Variants in PRR19 observed in about 807,000 individuals in gnomAD.
PRR19 encodes proline-rich protein 19.
PRR19 carries 9 observed loss-of-function variants against 19.2 expected under a neutral mutation model. The observed-to-expected ratio is 0.47, with a 90% confidence interval of 0.28 to 0.82. The LOEUF (loss-of-function observed/expected upper bound fraction) is 0.82. Among genes scored for constraint, PRR19 ranks in the 40% least tolerant of loss-of-function variants. The pLI, the probability that PRR19 is intolerant of heterozygous loss-of-function variation, is 0.11. For synonymous variants in PRR19, 190 were observed against 191.0 expected (o/e 0.99, Z 0.04); for missense variants, 457 against 466.0 (o/e 0.98, Z 0.18).
At chr19:42,304,929 T>C (rs1312078722) in intron 1 of PRR19, among the ~76,000 whole-genome samples, 1 of 149,074 alleles carries the variant, frequency 6.7e-6, no homozygotes, top group Non-Finnish European at 1.5e-5. Context: ...CATAATCAGC[T>C]AGGCACGGTG....
In PRR19 at chr19:42,302,315, C is replaced by T. The variant is rs1417253091; in HGVS notation, c.-195C>T. 1.3e-6 allele frequency: 2 copies of T among 1,598,868 alleles called. No homozygotes were observed. Among genetic ancestry groups the T allele is most frequent in the South Asian group, 2.3e-5 (2 of 88,812 alleles). ...GGGTTCTCCTCTCCACTCATCTTGG[C>T]GCCGCAGCTCCTGCAGGATGAGCGA... On this transcript the variant is annotated 5_prime_UTR_variant, in exon 1 of 3. Transcript: ENST00000341747.
chr19:42,302,619 A>C (rs1430996668), intron 1 of PRR19, 116 bp downstream of exon 1: 2 of 363,422 alleles, frequency 5.5e-6, no homozygotes, highest in Non-Finnish European at 1.0e-5. Context: ...GGGTGGGGGG[A>C]GGGAGAGGCG....
chr19:42,307,014 GC>G (rs1456923252), intron 1 of PRR19: 1 of 152,294 alleles, frequency 6.6e-6, no homozygotes, highest in Non-Finnish European at 1.5e-5. Context: ...CGGAAAAGAA[GC>G]CATTGCGCCC....
In PRR19 at chr19:42,309,543, C is replaced by T. The variant is rs572287045; in HGVS notation, c.-6-36C>T. On this transcript the variant is annotated intron_variant, in intron 1 of 2. Coordinates refer to ENST00000341747, the MANE Select transcript of PRR19 (RefSeq NM_199285.3). ...CACTTTGCTACTCCCCTTGACTTATCTGCATGCTGATGGCCACCCTATCTT... is the reference window on the plus strand; with the variant it reads ...CACTTTGCTACTCCCCTTGACTTATTTGCATGCTGATGGCCACCCTATCTT... 8 of 1,473,076 alleles carry T rather than the reference C, an allele frequency of 5.4e-6. No homozygotes were observed. The South Asian group carries it at 9.5e-5, about 18-fold the overall frequency. 91.3% of individuals were successfully genotyped at this position (1,473,076 alleles called of 1,614,324 possible). A position where few individuals can be genotyped will look rare whatever the true frequency, so the allele number is the denominator to read the frequency against.
In PRR19 at chr19:42,310,416, T is replaced by G. The variant is rs1203903903; in HGVS notation, c.747T>G (p.Thr249=). Residue 249 remains threonine (T), a synonymous_variant, in exon 3 of 3, where the codon ACT becomes ACG. Coordinates refer to ENST00000341747, the MANE Select transcript of PRR19 (RefSeq NM_199285.3). ...FPMPYTSSMP[T]AHRGSLAPPR... is the part of the protein sequence containing the mutation. ...TGCCCTACACCTCCAGCATGCCCAC[T>G]GCGCACAGGGGGAGTCTGGCACCGC... 3 of 1,614,056 alleles carry G rather than the reference T, an allele frequency of 1.9e-6. No homozygotes were observed. The highest frequency in any genetic ancestry group is 2.2e-5 in the East Asian group (1 of 44,892).
chr19:42,309,548 T>C (rs2038757761), intron 1 of PRR19, 31 bp from the exon 2 acceptor site: 1 of 1,489,090 alleles, frequency 6.7e-7, no homozygotes, highest in African/African-American at 1.4e-5. Flanking sequence ...CTTATCTGCA[T>C]GCTGATGGCC....
intron 1 of PRR19, among the ~76,000 whole-genome samples, chr19:42,304,451 T>TA (rs765120547): frequency 0.053 from 4,328 of 82,030 alleles, 170 homozygotes; most frequent in African/African-American, 0.13. Context: ...AGACCCTGTC[T>TA]AAAAAAAAAA....
chr19:42,302,235 G>A lies in PRR19; in HGVS notation c.-275G>A. The A allele has an allele frequency of 6.3e-7, 1 of 1,595,038 alleles. No homozygotes were observed. Among genetic ancestry groups the A allele is most frequent in the Non-Finnish European group, 8.5e-7 (1 of 1,170,996 alleles). ...TATCCCAGGTGGGAACGCTCACCAG[G>A]GACATCCAGCGCCCGTCGCCCTGTA... On this transcript the variant is annotated 5_prime_UTR_variant, in exon 1 of 3. Transcript: ENST00000341747.
At chr19:42,307,747 CTTTTTTTTTTTTTTTTTT>C (rs759101368) in intron 1 of PRR19, among the ~76,000 whole-genome samples, 1 of 83,578 alleles carries the variant, frequency 1.2e-5, no homozygotes, top group Non-Finnish European at 2.3e-5. Flanking sequence ...CACCCTCCAT[CTTTTTTTTTTTTTTTTTT>C]TTTTTTTTTT....
chr19:42,306,686 T>G (rs1366692926), intron 1 of PRR19, among the ~76,000 whole-genome samples: 1 of 152,184 alleles, frequency 6.6e-6, no homozygotes, highest in Non-Finnish European at 1.5e-5. Flanking sequence ...CCTTCTTCCC[T>G]TTGGCACGCC....
chr19:42,306,171 G>A (rs1457985536), intron 1 of PRR19, among the ~76,000 whole-genome samples: 1 of 152,142 alleles, frequency 6.6e-6, no homozygotes, highest in East Asian at 1.9e-4. Context: ...ACAGGCAAGA[G>A]CCACTGCGCC....
chr19:42,309,410 T>C, intron 1 of PRR19, 169 bp from the exon 2 acceptor site: 3 of 523,876 alleles, frequency 5.7e-6, no homozygotes, highest in Admixed American at 6.0e-5. Flanking sequence ...CATTTTGCCA[T>C]GTTGGCTAGG....
intron 1 of PRR19, among the ~76,000 whole-genome samples, chr19:42,306,726 G>A (rs573323995): frequency 6.6e-6 from 1 of 152,310 alleles, no homozygotes; most frequent in African/African-American, 2.4e-5. Flanking sequence ...AAAGACCGCT[G>A]ATAGCTATCT....
intron 1 of PRR19, among the ~76,000 whole-genome samples, chr19:42,303,890 C>A (rs2038677154): frequency 6.6e-6 from 1 of 151,954 alleles, no homozygotes; most frequent in Non-Finnish European, 1.5e-5. Flanking sequence ...TCAGCTGGGT[C>A]TGAAAGATAA....
At chr19:42,304,828 A>T (rs1249305476) in intron 1 of PRR19, among the ~76,000 whole-genome samples, 1 of 150,268 alleles carries the variant, frequency 6.7e-6, no homozygotes, top group African/African-American at 2.4e-5. Context: ...GGATAGCTTG[A>T]GCCTGGGAGA....
At position 42,310,326 on chromosome 19, in the gene PRR19, T is replaced by G; in HGVS notation, c.657T>G (p.Pro219=). ...TGACACCCTTCTGGATTAATAGCCC[T>G]GATCAAGTCCCAGAGCAGGAGAGGC... ...RKMTPFWINS[P]DQVPEQERQR... Residue 219 remains proline, a synonymous_variant, in exon 3 of 3, where the codon CCT becomes CCG. Coordinates refer to ENST00000341747, the MANE Select transcript of PRR19 (RefSeq NM_199285.3). 6.2e-7 allele frequency: 1 copy of G among 1,614,100 alleles called. No individual in the cohort carries two copies.
chr19:42,306,838 G>A (rs1339315131), intron 1 of PRR19: 1 of 152,222 alleles, frequency 6.6e-6, no homozygotes, highest in African/African-American at 2.4e-5. Context: ...CTGAAATTGA[G>A]GCTGGGAGGG....
chr19:42,308,433 C>T (rs1568542014), intron 1 of PRR19, among the ~76,000 whole-genome samples: 1 of 134,508 alleles, frequency 7.4e-6, no homozygotes, highest in Non-Finnish European at 1.5e-5. Flanking sequence ...GAGTCTCACT[C>T]TGTCACTCAG....
Position 42,310,311 on chromosome 19 carries a change from C to G in PRR19, c.642C>G (p.Phe214Leu). ...PGVSERKMTP[F>L]WINSPDQVPE... Reference sequence around the variant, plus strand: ...TCTCTGAGAGAAAGATGACACCCTTCTGGATTAATAGCCCTGATCAAGTCC... The same window carrying G: ...TCTCTGAGAGAAAGATGACACCCTTGTGGATTAATAGCCCTGATCAAGTCC... Residue 214 changes from phenylalanine to leucine, a missense_variant, in exon 3 of 3, where the codon TTC becomes TTG. By Grantham distance (22) the Phe-to-Leu change is conservative. Transcript: ENST00000341747. The G allele has an allele frequency of 6.2e-7, 1 of 1,614,134 alleles. No homozygotes were observed. The highest frequency in any genetic ancestry group is 2.2e-5 in the East Asian group (1 of 44,874).
Sources: gnomAD v4.1 joint callset for allele counts (sites outside exome capture counted in the v4.1 genomes callset) on GRCh38, gnomAD v4.1.1 for gene constraint, MANE v1.5 for transcripts, NCBI Gene and HGNC (gene_info 2026-07-23, HGNC 2026-07-21) for gene names.